HSPA14: variants seen among roughly 807,000 people sequenced by gnomAD.
The protein encoded by HSPA14 is heat shock protein family A (Hsp70) member 14.
Under a neutral mutation model 65.5 loss-of-function variants are expected in HSPA14, and 37 were observed. That is an observed-to-expected ratio of 0.56 (90% CI 0.43 to 0.74). HSPA14 has a LOEUF of 0.74. HSPA14 is among the 30% of genes least tolerant of loss of function. The probability of loss-of-function intolerance (pLI) is 0.00; values close to 1 mark genes in which losing one functional copy is unlikely to be tolerated. For missense variants in HSPA14, 564 were observed against 607.6 expected (o/e 0.93, Z 0.75); for synonymous variants, 203 against 214.2 (o/e 0.95, Z 0.46).
rs576845113 is a variant in HSPA14 at position 14,838,431 on chromosome 10, G to A, written c.29G>A (p.Cys10Tyr). 77 of 1,606,440 alleles carry A rather than the reference G, an allele frequency of 4.8e-5. No individual in the cohort carries two copies. In the South Asian group the frequency reaches 8.0e-4, roughly 17 times the overall value. Residue 10 changes from cysteine (C) to tyrosine (Y), a missense_variant, in exon 1 of 14, where the codon TGC (cysteine) becomes TAC (tyrosine). By Grantham distance (194) the Cys-to-Tyr change is radical (BLOSUM62 -2). Coordinates refer to ENST00000378372, the MANE Select transcript of HSPA14 (RefSeq NM_016299.4). ...GCGGCCATCGGAGTTCACCTGGGCT[G>A]CACCTCAGCCTGTGTGGCCGTCTAT... MAAIGVHLG[C>Y]TSACVAVYKD...
chr10:14,842,111 CTCAT>C lies in HSPA14; in HGVS notation c.221+1957_221+1960del, dbSNP rs1264009152. ...TTATCCTTACACCCTTCCTGTAACT[CTCAT>C]TCCCCTGTGGCCTTCCAGCCAGAAA... On this transcript the variant is annotated intron_variant, in intron 3 of 13. Coordinates refer to ENST00000378372, the MANE Select transcript of HSPA14 (RefSeq NM_016299.4). The surrounding 1 kb of genome is among the most constrained non-coding windows in gnomAD (Gnocchi z 5.2). 2.0e-6 allele frequency: 3 copies of C among 1,508,636 alleles called. No individual in the cohort carries two copies. Among genetic ancestry groups the C allele is most frequent in the Non-Finnish European group, 2.7e-6 (3 of 1,123,628 alleles). The allele number at this position is 1,508,636 out of a possible 1,614,324, so 93.5% of individuals were successfully genotyped here.
chr10:14,851,616 C>T (rs574294995), intron 7 of HSPA14, among the ~76,000 whole-genome samples: 2 of 152,272 alleles, frequency 1.3e-5, no homozygotes, highest in Admixed American at 1.3e-4. Flanking sequence ...TACGACACTG[C>T]TGATTTTTCT....
At chr10:14,843,927 T>C (rs1834010187) in intron 3 of HSPA14, 2 of 1,533,688 alleles carry the variant, frequency 1.3e-6, no homozygotes, top group African/African-American at 1.4e-5. Context: ...CTTCCTAAAC[T>C]GGTAGAAGTC....
intron 5 of HSPA14, 157 bp from the exon 6 acceptor site, chr10:14,849,564 A>G (rs1834091703): frequency 8.6e-6 from 6 of 701,730 alleles, no homozygotes; most frequent in African/African-American, 1.8e-5. Context: ...GCATGATTTC[A>G]GAGCGCAGAG....
chr10:14,840,285 C>T (rs954574132), intron 3 of HSPA14, 128 bp downstream of exon 3: 2 of 363,794 alleles, frequency 5.5e-6, no homozygotes, highest in African/African-American at 2.1e-5. Flanking sequence ...TGAGTCATTA[C>T]AGAGAGTACC....
chr10:14,841,962 A>G, intron 3 of HSPA14: 1 of 426,278 alleles, frequency 2.3e-6, no homozygotes, highest in South Asian at 2.0e-5. Flanking sequence ...TTTGTTACCA[A>G]GCCATTAGGT....
At chr10:14,870,826 T>C (rs1022363271) in intron 13 of HSPA14, among the ~76,000 whole-genome samples, 159 bp downstream of exon 13, 2 of 152,166 alleles carry the variant, frequency 1.3e-5, no homozygotes, top group African/African-American at 4.8e-5. Flanking sequence ...AGAATTACTA[T>C]ATTTTACAAA....
At chr10:14,868,044 C>A in intron 12 of HSPA14, 135 bp downstream of exon 12, 1 of 688,508 alleles carries the variant, frequency 1.5e-6, no homozygotes, top group African/African-American at 1.8e-5. Flanking sequence ...TTTATGAAGG[C>A]TCATTTCTGA....
At chr10:14,852,673 T>A in intron 8 of HSPA14, 142 bp downstream of exon 8, 1 of 696,122 alleles carries the variant, frequency 1.4e-6, no homozygotes. Flanking sequence ...GATATTTTCA[T>A]ATCTAGAGTT....
intron 10 of HSPA14, among the ~76,000 whole-genome samples, chr10:14,865,972 C>A (rs1832803381): frequency 6.6e-6 from 1 of 152,124 alleles, no homozygotes; most frequent in Non-Finnish European, 1.5e-5. Flanking sequence ...CCATTTGTTT[C>A]TATCCTCTTT....
chr10:14,854,053 A>ATCC (rs1190362129), intron 8 of HSPA14, 72 bp from the exon 9 acceptor site: 165 of 1,373,408 alleles, frequency 1.2e-4, no homozygotes, highest in Non-Finnish European at 1.6e-4. Flanking sequence ...AATAAGGATT[A>ATCC]TCCAGATCTT....
In HSPA14 at chr10:14,842,450, C is replaced by T. The variant is rs779082048; in HGVS notation, c.221+2293C>T. The T allele has an allele frequency of 1.2e-5, 19 of 1,536,022 alleles. 1 individual carries two copies. The highest frequency in any genetic ancestry group is 2.4e-5 in the South Asian group (2 of 84,066). On this transcript the variant is annotated intron_variant, in intron 3 of 13. Transcript: ENST00000378372. The surrounding 1 kb of genome is among the most constrained non-coding windows in gnomAD (Gnocchi z 5.2). ...TAAGCGAATGCAGCAGGAGGGCTTCCGCCGCACCGAACGTCAGTGCCGCTC... is the reference window on the plus strand; with the variant it reads ...TAAGCGAATGCAGCAGGAGGGCTTCTGCCGCACCGAACGTCAGTGCCGCTC...
rs528107725 is a variant in HSPA14, at chr10:14,860,760, T to C, written c.993+4817T>C. The stretch of plus-strand genomic sequence containing the variant: ...GTGTGAAGAGTTCGCTGTAGATCGA[T>C]GTAGGGGTCTGGATTTGGGGAGAGG... On this transcript the variant is annotated intron_variant, in intron 10 of 13. Coordinates refer to ENST00000378372, the MANE Select transcript of HSPA14 (RefSeq NM_016299.4). Among the ~76,000 whole-genome samples the C allele has an allele frequency of 5.3e-5, 8 of 152,072 alleles. No individual in the cohort carries two copies. In the South Asian group the frequency reaches 6.2e-4, roughly 12 times the overall value.
At chr10:14,849,631 G>A in intron 5 of HSPA14, 90 bp from the exon 6 acceptor site, 2 of 1,048,340 alleles carry the variant, frequency 1.9e-6, no homozygotes, top group Non-Finnish European at 2.9e-6. Context: ...AATATGTTAA[G>A]TGAGATCTTT....
chr10:14,870,777 TA>T, intron 13 of HSPA14, 110 bp downstream of exon 13: 7 of 1,059,108 alleles, frequency 6.6e-6, no homozygotes, highest in Non-Finnish European at 9.0e-6. Flanking sequence ...ATTAAAAACC[TA>T]CAGAGGTTTT....
At chr10:14,857,206 G>A (rs1372227650) in intron 10 of HSPA14, among the ~76,000 whole-genome samples, 1 of 152,132 alleles carries the variant, frequency 6.6e-6, no homozygotes, top group African/African-American at 2.4e-5. Context: ...CATAGGTTGG[G>A]TTTTTTCCTC....
At chr10:14,858,857 C>T (rs571753310) in intron 10 of HSPA14, among the ~76,000 whole-genome samples, 1 of 152,160 alleles carries the variant, frequency 6.6e-6, no homozygotes, top group African/African-American at 2.4e-5. Context: ...GTAATTTGTC[C>T]TGCAGTCATG....
At chr10:14,846,628 T>C in intron 3 of HSPA14, 1 of 953,950 alleles carries the variant, frequency 1.0e-6, no homozygotes, top group Non-Finnish European at 1.2e-6. Context: ...AGGTTCCTCA[T>C]TTATAAAGTG....
intron 3 of HSPA14, chr10:14,846,508 A>T: frequency 1.0e-6 from 1 of 985,398 alleles, no homozygotes; most frequent in Non-Finnish European, 1.2e-6. Flanking sequence ...GGAAATTGGA[A>T]TACAGGGAGA....
Sources: allele counts gnomAD v4.1 joint callset (sites outside exome capture counted in the v4.1 genomes callset), GRCh38; gene constraint gnomAD v4.1.1; non-coding constraint Gnocchi (gnomAD v3.1); transcripts MANE v1.5; gene names NCBI Gene and HGNC (gene_info 2026-07-23, HGNC 2026-07-21).